MAD1L1: variants seen among roughly 807,000 people sequenced by gnomAD.
MAD1L1 encodes the protein mitotic arrest deficient 1 like 1.
Under a neutral mutation model 96.9 loss-of-function variants are expected in MAD1L1, and 95 were observed. That is an observed-to-expected ratio of 0.98 (90% confidence interval 0.83 to 1.16). MAD1L1 has a LOEUF of 1.16. MAD1L1 is among the 50% of genes most tolerant of loss of function. The pLI is 0.00. For synonymous variants in MAD1L1, 473 were observed against 396.6 expected (o/e 1.19, Z -2.29); for missense variants, 1,007 against 954.4 (o/e 1.06, Z -0.73).
chr7:1,942,934 G>A (rs1205428234), intron 16 of MAD1L1, among the ~76,000 whole-genome samples: 1 of 152,190 alleles, frequency 6.6e-6, no homozygotes, highest in African/African-American at 2.4e-5. Flanking sequence ...GAGGACCGAC[G>A]TACAGACCAA....
chr7:1,983,709 G>T (rs539681491), intron 14 of MAD1L1, among the ~76,000 whole-genome samples: 1 of 152,336 alleles, frequency 6.6e-6, no homozygotes, highest in Non-Finnish European at 1.5e-5. Flanking sequence ...CCACCGTCCA[G>T]ATCAGGACAC....
At chr7:1,855,572 G>A (rs1340476429) in intron 18 of MAD1L1, among the ~76,000 whole-genome samples, 2 of 151,362 alleles carry the variant, frequency 1.3e-5, no homozygotes, top group South Asian at 2.1e-4. Flanking sequence ...AGCTCCACCC[G>A]AGGCGGGTCT....
intron 12 of MAD1L1, among the ~76,000 whole-genome samples, chr7:2,043,238 CT>C (rs1206209828): frequency 1.3e-5 from 2 of 152,202 alleles, no homozygotes; most frequent in Non-Finnish European, 2.9e-5. Flanking sequence ...ATCCACGCCC[CT>C]GTCCCATCGG....
At chr7:1,819,561 T>C (rs1265216894) in intron 18 of MAD1L1, among the ~76,000 whole-genome samples, 1 of 152,176 alleles carries the variant, frequency 6.6e-6, no homozygotes, top group Non-Finnish European at 1.5e-5. Flanking sequence ...CCAGGGATTG[T>C]GTGCCCGGCC....
chr7:1,961,169 G>A (rs1450681999), intron 15 of MAD1L1, among the ~76,000 whole-genome samples: 1 of 152,190 alleles, frequency 6.6e-6, no homozygotes, highest in African/African-American at 2.4e-5. Context: ...TGTTGGGAAC[G>A]CACTTCTCCC....
At chr7:2,162,725 A>C (rs1391334156) in intron 10 of MAD1L1, among the ~76,000 whole-genome samples, 3 of 144,764 alleles carry the variant, frequency 2.1e-5, no homozygotes, top group Non-Finnish European at 3.1e-5. Context: ...AAAAAAAAAA[A>C]ACGTAATGGA....
intron 14 of MAD1L1, among the ~76,000 whole-genome samples, chr7:1,986,994 C>T (rs1490509503): frequency 6.6e-6 from 1 of 152,068 alleles, no homozygotes; most frequent in African/African-American, 2.4e-5. Flanking sequence ...CCCCTCCAGG[C>T]CCATGGCACA....
chr7:2,056,768 C>T (rs1190210626), intron 12 of MAD1L1, among the ~76,000 whole-genome samples: 1 of 152,166 alleles, frequency 6.6e-6, no homozygotes, highest in African/African-American at 2.4e-5. Flanking sequence ...TGTTGTGGGG[C>T]CACAGAAACC....
At chr7:2,173,045 TAAAC>T (rs1328118334) in intron 10 of MAD1L1, among the ~76,000 whole-genome samples, 5 of 152,196 alleles carry the variant, frequency 3.3e-5, no homozygotes, top group African/African-American at 1.2e-4. Flanking sequence ...TGAAGTTACA[TAAAC>T]AAAGTGTACA....
intron 16 of MAD1L1, among the ~76,000 whole-genome samples, chr7:1,942,305 C>T (rs1440900921): frequency 2.0e-5 from 3 of 152,194 alleles, no homozygotes; most frequent in Non-Finnish European, 4.4e-5. Context: ...CCCCTGGGGG[C>T]CCAGGACCTC....
At chr7:2,006,921 A>C (rs1033346784) in intron 13 of MAD1L1, among the ~76,000 whole-genome samples, 1 of 152,056 alleles carries the variant, frequency 6.6e-6, no homozygotes, top group Non-Finnish European at 1.5e-5. Context: ...CAGATACAAC[A>C]CAAGGAACAG....
At chr7:2,125,547 G>A (rs1460497695) in intron 11 of MAD1L1, among the ~76,000 whole-genome samples, 2 of 152,164 alleles carry the variant, frequency 1.3e-5, no homozygotes, top group South Asian at 2.1e-4. Context: ...CCAGGTGAGC[G>A]AGGGCCTGCT....
At chr7:1,902,682 C>CCT (rs35971246) in intron 17 of MAD1L1, among the ~76,000 whole-genome samples, 105,669 of 152,028 alleles carry the variant, frequency 0.7, 37,335 homozygotes, top group African/African-American at 0.83. Flanking sequence ...TGCAGGGAAC[C>CCT]GTCTCAGGCT....
At chr7:2,062,935 A>G (rs957225488) in intron 12 of MAD1L1, among the ~76,000 whole-genome samples, 4 of 152,256 alleles carry the variant, frequency 2.6e-5, no homozygotes, top group Non-Finnish European at 4.4e-5. Flanking sequence ...ACGCTAAGAT[A>G]AAAACAAAGA....
intron 18 of MAD1L1, among the ~76,000 whole-genome samples, chr7:1,879,870 A>C (rs978464332): frequency 6.6e-6 from 1 of 152,150 alleles, no homozygotes; most frequent in Non-Finnish European, 1.5e-5. Context: ...AGCTGGGACT[A>C]CAGGCACCTG....
At chr7:2,170,370 G>A (rs980667477) in intron 10 of MAD1L1, among the ~76,000 whole-genome samples, 1 of 152,220 alleles carries the variant, frequency 6.6e-6, no homozygotes, top group African/African-American at 2.4e-5. Context: ...TAAGTGTTCG[G>A]GGCTGGAGTG....
chr7:2,123,839 GAAAT>G (rs1198581968), intron 11 of MAD1L1, among the ~76,000 whole-genome samples: 1 of 152,220 alleles, frequency 6.6e-6, no homozygotes, highest in Non-Finnish European at 1.5e-5. Flanking sequence ...ACTCAAGCCA[GAAAT>G]AAATAAATAA....
intron 15 of MAD1L1, among the ~76,000 whole-genome samples, chr7:1,966,710 A>G (rs1780183233): frequency 6.6e-6 from 1 of 152,210 alleles, no homozygotes; most frequent in South Asian, 2.1e-4. Flanking sequence ...AACAGAAAAA[A>G]ACTGTGTGAC....
At chr7:1,948,768 A>G (rs1779350582) in intron 16 of MAD1L1, among the ~76,000 whole-genome samples, 1 of 152,112 alleles carries the variant, frequency 6.6e-6, no homozygotes, top group Non-Finnish European at 1.5e-5. Context: ...TCCCCTTCCT[A>G]ATCTGGCCAA....
Sources: gnomAD v4.1 joint callset for allele counts (sites outside exome capture counted in the v4.1 genomes callset) on GRCh38, gnomAD v4.1.1 for gene constraint, MANE v1.5 for transcripts, NCBI Gene and HGNC (gene_info 2026-07-23, HGNC 2026-07-21) for gene names.